FAM120A: variants seen among roughly 807,000 people sequenced by gnomAD.
FAM120A encodes family with sequence similarity 120 member A.
A neutral mutation model predicts 109.7 loss-of-function variants in FAM120A; 15 were observed. The observed-to-expected ratio is 0.14, with a 90% CI of 0.09 to 0.21. FAM120A has a LOEUF of 0.21. Among genes scored for constraint, FAM120A ranks in the 10% least tolerant of loss-of-function variants. FAM120A has a pLI of 1.00. For missense variants in FAM120A, 899 were observed against 1,439.3 expected (o/e 0.62, Z 6.07); for synonymous variants, 493 against 572.8 (o/e 0.86, Z 1.99).
At chr9:93,519,756 A>C (rs1860764397) in intron 7 of FAM120A, among the ~76,000 whole-genome samples, 1 of 152,202 alleles carries the variant, frequency 6.6e-6, no homozygotes, top group African/African-American at 2.4e-5. Context: ...ACAATGAATC[A>C]GTGGCACTCT....
chr9:93,536,785 A>G (rs1403454274), intron 10 of FAM120A, among the ~76,000 whole-genome samples: 1 of 152,226 alleles, frequency 6.6e-6, no homozygotes, highest in East Asian at 1.9e-4. Flanking sequence ...AAAAAGAAAA[A>G]AAATTCTTTT....
chr9:93,521,353 C>T (rs1860837243), intron 7 of FAM120A, among the ~76,000 whole-genome samples: 1 of 152,180 alleles, frequency 6.6e-6, no homozygotes, highest in Admixed American at 6.5e-5. Flanking sequence ...TGTGGTGGCT[C>T]ATGCTTTAAT....
At chr9:93,549,867 TG>T (rs1862033018) in intron 11 of FAM120A, among the ~76,000 whole-genome samples, 1 of 152,210 alleles carries the variant, frequency 6.6e-6, no homozygotes, top group South Asian at 2.1e-4. Flanking sequence ...AGACACTCCT[TG>T]GGGTTGTGCC....
intron 5 of FAM120A, among the ~76,000 whole-genome samples, chr9:93,506,457 C>G (rs961526286): frequency 6.6e-6 from 1 of 152,118 alleles, no homozygotes; most frequent in African/African-American, 2.4e-5. Context: ...TTGATTTTAT[C>G]TTAACAACTT....
intron 7 of FAM120A, chr9:93,523,227 G>C: frequency 3.1e-6 from 3 of 954,948 alleles, no homozygotes; most frequent in Non-Finnish European, 4.3e-6. Context: ...GTTTGTGCCT[G>C]ATGTGCCTCT....
chr9:93,480,298 TC>T (rs1453028646), intron 3 of FAM120A, among the ~76,000 whole-genome samples: 1 of 152,198 alleles, frequency 6.6e-6, no homozygotes. Flanking sequence ...TGTGGTCAAT[TC>T]TATAATGAGA....
At chr9:93,553,613 C>G (rs1419453906) in intron 12 of FAM120A, among the ~76,000 whole-genome samples, 2 of 152,108 alleles carry the variant, frequency 1.3e-5, no homozygotes, top group African/African-American at 4.8e-5. Flanking sequence ...AGTTGAGGAA[C>G]TTTGGATGAT....
intron 5 of FAM120A, among the ~76,000 whole-genome samples, chr9:93,514,024 AGACTGG>A (rs1860457871): frequency 6.6e-6 from 1 of 152,192 alleles, no homozygotes. Context: ...GAACTGCCTG[AGACTGG>A]ATAATTTATG....
chr9:93,558,611 A>G lies in FAM120A; in HGVS notation c.2699A>G (p.Glu900Gly). ...TGTGGCTTTGGAGGCCCCTATGGGG[A>G]AACGGTAGCAACAGGCCCTTACCGT... ...GVCGFGGPYGETVATGPYRAF... is the reference protein window; with the variant it reads ...GVCGFGGPYGGTVATGPYRAF... The change falls in exon 15 of 18, where the codon GAA becomes GGA. Residue 900 changes from glutamate to glycine, a missense_variant. Physicochemically the swap from Glu to Gly is moderately conservative, Grantham distance 98. Coordinates refer to ENST00000277165, the MANE Select transcript of FAM120A (RefSeq NM_014612.5). The G allele has an allele frequency of 6.2e-7, 1 of 1,614,158 alleles. No homozygotes were observed.
chr9:93,481,519 C>A (rs193151959), intron 3 of FAM120A, among the ~76,000 whole-genome samples: 33 of 152,250 alleles, frequency 2.2e-4, no homozygotes, highest in South Asian at 6.2e-4. Context: ...AGTTTCAGGT[C>A]ATTGTATTCA....
chr9:93,500,777 A>G lies in FAM120A; in HGVS notation c.1030+1891A>G, dbSNP rs567634841. On this transcript the variant is annotated intron_variant, in intron 5 of 17. Coordinates refer to ENST00000277165, the MANE Select transcript of FAM120A (RefSeq NM_014612.5). The surrounding 1 kb of genome is among the most constrained non-coding windows in gnomAD (Gnocchi z 4.6). Reference sequence around the variant, plus strand: ...TATGGGACCAGATCTCAGTGTGTCTACTGTATACCCTGCACACAGAAGATG... The same window carrying G: ...TATGGGACCAGATCTCAGTGTGTCTGCTGTATACCCTGCACACAGAAGATG... Among the ~76,000 whole-genome samples, 2 of 152,304 alleles carry G rather than the reference A, an allele frequency of 1.3e-5. No individual in the cohort carries two copies. The highest frequency in any genetic ancestry group is 1.9e-4 in the East Asian group (1 of 5,178).
chr9:93,507,241 T>C (rs1457904200), intron 5 of FAM120A, among the ~76,000 whole-genome samples: 3 of 152,022 alleles, frequency 2.0e-5, no homozygotes, highest in African/African-American at 7.2e-5. Flanking sequence ...GTGGATTTCA[T>C]AGGTTTTTGG....
At chr9:93,480,377 C>T (rs1858746666) in intron 3 of FAM120A, among the ~76,000 whole-genome samples, 1 of 152,162 alleles carries the variant, frequency 6.6e-6, no homozygotes, top group Non-Finnish European at 1.5e-5. Context: ...TTCCTTGCTG[C>T]AGTCCCGGAG....
intron 11 of FAM120A, among the ~76,000 whole-genome samples, chr9:93,544,084 C>T (rs765687777): frequency 9.9e-5 from 15 of 152,214 alleles, no homozygotes; most frequent in Non-Finnish European, 1.6e-4. Flanking sequence ...GTATTTGTAT[C>T]AGTATGGGCT....
chr9:93,558,031 T>G, intron 14 of FAM120A, 21 bp downstream of exon 14: 1 of 1,564,928 alleles, frequency 6.4e-7, no homozygotes, highest in African/African-American at 1.3e-5. Flanking sequence ...TGGGACGTAT[T>G]CCTGTGGGTA....
chr9:93,556,332 T>C, intron 12 of FAM120A, 50 bp from the exon 13 acceptor site: 1 of 1,472,728 alleles, frequency 6.8e-7, no homozygotes, highest in Non-Finnish European at 9.5e-7. Flanking sequence ...TGAAAGAATT[T>C]AATACTGTAG....
Position 93,472,802 on chromosome 9 carries a change from G to T in FAM120A, c.721+1415G>T, listed in dbSNP as rs151101320. Among the ~76,000 whole-genome samples, 1,272 of 152,218 alleles carry T rather than the reference G, an allele frequency of 8.4e-3. 16 individuals carry two copies. Among genetic ancestry groups the T allele is most frequent in the Non-Finnish European group, 9.0e-3 (612 of 68,006 alleles). On this transcript the variant is annotated intron_variant, in intron 2 of 17. Coordinates refer to ENST00000277165, the MANE Select transcript of FAM120A (RefSeq NM_014612.5). ...ACTTTTCAATATTCAGTATCAAAAC[G>T]ATTGCGCTATTGATTTCTATTTCTC...
At chr9:93,562,425 C>A in intron 17 of FAM120A, 121 bp downstream of exon 17, 1 of 716,418 alleles carries the variant, frequency 1.4e-6, no homozygotes, top group Non-Finnish European at 2.4e-6. Context: ...CTTTAGCTGT[C>A]AAGTGTCTAA....
intron 1 of FAM120A, among the ~76,000 whole-genome samples, chr9:93,456,200 G>A (rs1335495730): frequency 2.0e-5 from 3 of 152,168 alleles, no homozygotes; most frequent in African/African-American, 7.2e-5. Flanking sequence ...TTCTTCTTGT[G>A]TGCCTTGGGT....
Sources: allele counts gnomAD v4.1 joint callset (sites outside exome capture counted in the v4.1 genomes callset), GRCh38; gene constraint gnomAD v4.1.1; non-coding constraint Gnocchi (gnomAD v3.1); transcripts MANE v1.5; gene names NCBI Gene and HGNC (gene_info 2026-07-23, HGNC 2026-07-21).